Variants in ITGAE observed in about 807,000 individuals in gnomAD.
ITGAE encodes integrin subunit alpha E, also known as integrin alpha-E.
In ITGAE, 99 loss-of-function variants were observed where a neutral mutation model predicts 136.5. The ratio of observed to expected loss-of-function variants is 0.73; its 90% CI spans 0.62 to 0.86. ITGAE has a LOEUF of 0.86. Among genes scored for constraint, ITGAE ranks in the 40% least tolerant of loss-of-function variants. ITGAE has a pLI of 0.00. For synonymous variants in ITGAE, 613 were observed against 591.8 expected (o/e 1.04, Z -0.52); for missense variants, 1,447 against 1,515.3 (o/e 0.95, Z 0.75).
intron 24 of ITGAE, among the ~76,000 whole-genome samples, chr17:3,729,040 T>A (rs1221326621): frequency 2.8e-5 from 4 of 142,058 alleles, no homozygotes; most frequent in Non-Finnish European, 3.1e-5. Flanking sequence ...CGTCTCAGTT[T>A]AAAAAAAAAA....
chr17:3,771,232 G>A (rs919638201), intron 2 of ITGAE, among the ~76,000 whole-genome samples: 6 of 152,278 alleles, frequency 3.9e-5, no homozygotes, highest in East Asian at 1.9e-4. Flanking sequence ...AAGAAGTACC[G>A]CCTGGGGCAA....
intron 1 of ITGAE, among the ~76,000 whole-genome samples, chr17:3,795,770 CGTGCGT>C (rs1471656433): frequency 7.0e-6 from 1 of 143,130 alleles, no homozygotes; most frequent in Non-Finnish European, 1.5e-5. Flanking sequence ...AGACTGTGTA[CGTGCGT>C]GTGTGCATGT....
intron 19 of ITGAE, among the ~76,000 whole-genome samples, chr17:3,741,594 A>G (rs1317237914): frequency 3.9e-5 from 6 of 152,170 alleles, no homozygotes; most frequent in South Asian, 2.1e-4. Flanking sequence ...AATAGTCATC[A>G]CTGGTTAAGG....
intron 2 of ITGAE, among the ~76,000 whole-genome samples, chr17:3,775,545 C>T (rs1315546142): frequency 6.6e-6 from 1 of 152,120 alleles, no homozygotes; most frequent in Non-Finnish European, 1.5e-5. Flanking sequence ...CTGCAGCCTC[C>T]ACCTCCTGGG....
At chr17:3,762,584 CA>C (rs2052199552) in intron 3 of ITGAE, among the ~76,000 whole-genome samples, 1 of 145,174 alleles carries the variant, frequency 6.9e-6, no homozygotes, top group Admixed American at 6.9e-5. Flanking sequence ...GCCTCTCAGA[CA>C]AGGATTTTTT....
At chr17:3,723,897 C>T in intron 26 of ITGAE, 153 bp from the exon 27 acceptor site, 1 of 1,530,788 alleles carries the variant, frequency 6.5e-7, no homozygotes, top group Non-Finnish European at 8.8e-7. Context: ...ACGGAAGTCT[C>T]GCGATGTTTG....
chr17:3,740,446 G>A (rs892954525), intron 19 of ITGAE, among the ~76,000 whole-genome samples: 2 of 152,024 alleles, frequency 1.3e-5, no homozygotes, highest in Non-Finnish European at 2.9e-5. Context: ...GCGCGATCTC[G>A]GCTCACTGCC....
intron 8 of ITGAE, among the ~76,000 whole-genome samples, chr17:3,758,514 C>T (rs143395988): frequency 6.6e-6 from 1 of 152,140 alleles, no homozygotes; most frequent in Non-Finnish European, 1.5e-5. Context: ...TGCAATAGCA[C>T]GATCTCAGCT....
intron 18 of ITGAE, among the ~76,000 whole-genome samples, chr17:3,743,974 A>G (rs560544997): frequency 6.7e-6 from 1 of 150,070 alleles, no homozygotes; most frequent in East Asian, 2.0e-4. Context: ...AAATGCTGGG[A>G]TTATAGGCGT....
intron 16 of ITGAE, among the ~76,000 whole-genome samples, chr17:3,749,206 C>A (rs2051797534): frequency 7.2e-6 from 1 of 139,560 alleles, no homozygotes. Flanking sequence ...AGCCTGAGGG[C>A]AGGATAGATT....
intron 1 of ITGAE, among the ~76,000 whole-genome samples, chr17:3,790,288 C>A (rs1387399604): frequency 6.6e-6 from 1 of 152,160 alleles, no homozygotes; most frequent in Non-Finnish European, 1.5e-5. Context: ...GGGTGGATCA[C>A]CTGAGGTCAG....
chr17:3,785,617 G>A (rs1207521055), intron 1 of ITGAE, among the ~76,000 whole-genome samples: 2 of 152,072 alleles, frequency 1.3e-5, no homozygotes, highest in African/African-American at 2.4e-5. Context: ...AACCCAGGGT[G>A]AAAGATAAAA....
intron 2 of ITGAE, among the ~76,000 whole-genome samples, chr17:3,767,780 G>A (rs867439496): frequency 4.6e-5 from 7 of 152,006 alleles, no homozygotes; most frequent in Non-Finnish European, 7.4e-5. Context: ...GAGTTACCTT[G>A]CCCAGCTAAT....
At chr17:3,728,802 C>T (rs1472372146) in intron 24 of ITGAE, among the ~76,000 whole-genome samples, 2 of 151,540 alleles carry the variant, frequency 1.3e-5, no homozygotes, top group Non-Finnish European at 2.9e-5. Context: ...GAGGCCGAGG[C>T]AGGCGGATCA....
At chr17:3,725,730 C>G (rs375395635) in intron 26 of ITGAE, 1 of 1,578,614 alleles carries the variant, frequency 6.3e-7, no homozygotes, top group Non-Finnish European at 8.6e-7. Context: ...AGACGACCAG[C>G]TCTTCATTGT....
intron 23 of ITGAE, among the ~76,000 whole-genome samples, chr17:3,730,646 C>T (rs2051320720): frequency 6.6e-6 from 1 of 152,000 alleles, no homozygotes; most frequent in South Asian, 2.1e-4. Flanking sequence ...TGGCAGTATT[C>T]CTGGCCTCTA....
At chr17:3,736,386 C>T (rs1473638507) in intron 20 of ITGAE, among the ~76,000 whole-genome samples, 1 of 152,076 alleles carries the variant, frequency 6.6e-6, no homozygotes, top group Non-Finnish European at 1.5e-5. Flanking sequence ...GAGAATTGTA[C>T]CCAAATCCTC....
At position 3,731,313 on chromosome 17, in the gene ITGAE, A is replaced by G. The variant is rs1597309277; in HGVS notation, c.2755-130T>C. On this transcript the variant is annotated intron_variant, in intron 22 of 30. Coordinates refer to ENST00000263087, the MANE Select transcript of ITGAE (RefSeq NM_002208.5). ...TTCACATTCCTCACATTTTTCTAAC[A>G]CAGCATGTTTCCTTTCCCTTCCTTT... 24 of 631,952 alleles carry G rather than the reference A, an allele frequency of 3.8e-5. No homozygotes were observed. The East Asian group carries it at 6.6e-4, about 17-fold the overall frequency. 39.1% of individuals were successfully genotyped at this position (631,952 alleles called of 1,614,324 possible). A position where few individuals can be genotyped will look rare whatever the true frequency, so the allele number is the denominator to read the frequency against.
intron 28 of ITGAE, chr17:3,720,678 G>A (rs1327778987): frequency 2.0e-5 from 5 of 247,132 alleles, no homozygotes; most frequent in Non-Finnish European, 4.0e-5. Flanking sequence ...ACCCCGTCAG[G>A]TTCAAGCGAT....
Sources: gnomAD v4.1 joint callset for allele counts (sites outside exome capture counted in the v4.1 genomes callset) on GRCh38, gnomAD v4.1.1 for gene constraint, MANE v1.5 for transcripts, NCBI Gene and HGNC (gene_info 2026-07-23, HGNC 2026-07-21) for gene names.